The following UVRAG variants were observed in gnomAD, a reference collection of about 807,000 sequenced individuals.
UVRAG encodes UV radiation resistance-associated gene protein.
In UVRAG, 19 loss-of-function variants were observed where a neutral mutation model predicts 78.0. The ratio of observed to expected loss-of-function variants is 0.24; its 90% CI spans 0.17 to 0.36. The LOEUF (loss-of-function observed/expected upper bound fraction) is 0.36, where lower values mean the gene tolerates loss of function less well. Ranked by LOEUF, UVRAG falls within the 10% of genes least tolerant of loss-of-function variation. The pLI is 1.00. For synonymous variants in UVRAG, 323 were observed against 324.6 expected (o/e 1.00, Z 0.05); for missense variants, 740 against 853.8 (o/e 0.87, Z 1.66).
At chr11:76,066,093 A>C (rs1296940667) in intron 13 of UVRAG, among the ~76,000 whole-genome samples, 1 of 152,272 alleles carries the variant, frequency 6.6e-6, no homozygotes, top group South Asian at 2.1e-4. Context: ...TTGCCTCTGC[A>C]GCTTGACCAA....
chr11:75,910,539 C>CT (rs935961405), intron 5 of UVRAG, among the ~76,000 whole-genome samples: 2,001 of 124,004 alleles, frequency 0.016, 17 homozygotes, highest in African/African-American at 0.023. Context: ...TCCTTTTTAT[C>CT]TTTTTTTTTT....
At chr11:75,909,518 A>T (rs1347744591) in intron 5 of UVRAG, among the ~76,000 whole-genome samples, 3 of 152,070 alleles carry the variant, frequency 2.0e-5, no homozygotes, top group Non-Finnish European at 4.4e-5. Context: ...TGATCTTTTT[A>T]AAAAACAAGC....
At chr11:76,112,208 T>C (rs1952084082) in intron 13 of UVRAG, among the ~76,000 whole-genome samples, 1 of 152,068 alleles carries the variant, frequency 6.6e-6, no homozygotes, top group Non-Finnish European at 1.5e-5. Flanking sequence ...AAGAATCAAC[T>C]TACATTCAAA....
intron 14 of UVRAG, among the ~76,000 whole-genome samples, chr11:76,116,691 G>T (rs993438564): frequency 3.3e-5 from 5 of 152,208 alleles, no homozygotes; most frequent in Non-Finnish European, 5.9e-5. Flanking sequence ...GAATCCTTGG[G>T]TAGTGGGCAG....
At chr11:75,928,955 A>AAC (rs1948172018) in intron 6 of UVRAG, among the ~76,000 whole-genome samples, 1 of 150,686 alleles carries the variant, frequency 6.6e-6, no homozygotes, top group Non-Finnish European at 1.5e-5. Flanking sequence ...AAAAAAAAAA[A>AAC]AAAAAAAAAG....
chr11:76,125,398 T>C (rs1952366230), intron 14 of UVRAG, among the ~76,000 whole-genome samples: 1 of 152,246 alleles, frequency 6.6e-6, no homozygotes, highest in Admixed American at 6.5e-5. Flanking sequence ...TGGGTATCTG[T>C]AGTATTTTAA....
At chr11:75,875,396 C>G (rs79130537) in intron 3 of UVRAG, among the ~76,000 whole-genome samples, 2 of 150,082 alleles carry the variant, frequency 1.3e-5, no homozygotes, top group South Asian at 2.1e-4. Context: ...TTGTCAGTTA[C>G]TTGGTTTTAT....
chr11:76,023,229 A>G (rs1465731805), intron 12 of UVRAG, among the ~76,000 whole-genome samples: 7 of 152,148 alleles, frequency 4.6e-5, no homozygotes, highest in Admixed American at 3.9e-4. Flanking sequence ...CTTAGCCTTC[A>G]CTTTCTGGTT....
At chr11:76,025,689 C>G (rs951090453) in intron 12 of UVRAG, among the ~76,000 whole-genome samples, 1 of 152,074 alleles carries the variant, frequency 6.6e-6, no homozygotes, top group African/African-American at 2.4e-5. Context: ...CTGATTGATT[C>G]TGATTTCAAG....
intron 12 of UVRAG, among the ~76,000 whole-genome samples, chr11:76,061,635 G>A (rs939312854): frequency 4.6e-5 from 7 of 151,208 alleles, no homozygotes; most frequent in African/African-American, 1.7e-4. Flanking sequence ...CACTGCGGAG[G>A]TCCCAGCTTC....
At chr11:75,969,353 T>A (rs1949083629) in intron 7 of UVRAG, among the ~76,000 whole-genome samples, 1 of 152,238 alleles carries the variant, frequency 6.6e-6, no homozygotes, top group Admixed American at 6.5e-5. Flanking sequence ...AATACTGCAT[T>A]GTATGTATAT....
rs912535795 is a variant in UVRAG, at chr11:76,015,873, C to T, written c.1061-942C>T. 8.5e-5 allele frequency among the ~76,000 whole-genome samples: 13 copies of T among 152,298 alleles called. No homozygotes were observed. In the East Asian group the frequency reaches 1.7e-3, roughly 20 times the overall value. On this transcript the variant is annotated intron_variant, in intron 11 of 14. Transcript: ENST00000356136. ...ATCATTTCAGCCCTTCTTCTCTAGCCAGATGGGATATTCCAGATTATGTGT... is the reference window on the plus strand; with the variant it reads ...ATCATTTCAGCCCTTCTTCTCTAGCTAGATGGGATATTCCAGATTATGTGT...
chr11:76,064,055 G>A (rs1478088385), intron 12 of UVRAG, among the ~76,000 whole-genome samples: 1 of 151,942 alleles, frequency 6.6e-6, no homozygotes, highest in African/African-American at 2.4e-5. Flanking sequence ...ATACCTTGTG[G>A]CTTTTTGTAT....
At chr11:76,040,631 C>T (rs1950630658) in intron 12 of UVRAG, among the ~76,000 whole-genome samples, 1 of 152,058 alleles carries the variant, frequency 6.6e-6, no homozygotes. Flanking sequence ...TCTCGACTCA[C>T]TGCAACCTCT....
intron 12 of UVRAG, among the ~76,000 whole-genome samples, chr11:76,063,443 CAGTA>C (rs1951129940): frequency 6.6e-6 from 1 of 152,186 alleles, no homozygotes; most frequent in Admixed American, 6.5e-5. Context: ...GTTAGAGTGA[CAGTA>C]AGGCTCAGAT....
At chr11:76,110,306 A>G (rs1375208581) in intron 13 of UVRAG, among the ~76,000 whole-genome samples, 1 of 151,616 alleles carries the variant, frequency 6.6e-6, no homozygotes, top group Non-Finnish European at 1.5e-5. Flanking sequence ...TAGTCTATAT[A>G]CTTTATCTTA....
At chr11:76,044,745 G>A (rs1009442382) in intron 12 of UVRAG, among the ~76,000 whole-genome samples, 48 of 152,084 alleles carry the variant, frequency 3.2e-4, no homozygotes, top group African/African-American at 1.1e-3. Flanking sequence ...CTGCACTCCA[G>A]CCTAGGCTAC....
intron 6 of UVRAG, among the ~76,000 whole-genome samples, chr11:75,915,787 G>GT (rs1947837332): frequency 6.6e-6 from 1 of 152,040 alleles, no homozygotes; most frequent in African/African-American, 2.4e-5. Context: ...TTTTGGTTCT[G>GT]TTTTTTTAAA....
chr11:75,933,450 C>T (rs1046964146), intron 6 of UVRAG, among the ~76,000 whole-genome samples: 1 of 152,118 alleles, frequency 6.6e-6, no homozygotes, highest in Non-Finnish European at 1.5e-5. Context: ...GAGTGGGCAA[C>T]AGTTTTTTGA....
Sources: gnomAD v4.1 joint callset for allele counts (sites outside exome capture counted in the v4.1 genomes callset) on GRCh38, gnomAD v4.1.1 for gene constraint, MANE v1.5 for transcripts, NCBI Gene and HGNC (gene_info 2026-07-23, HGNC 2026-07-21) for gene names.